TNRC6B: variants seen among roughly 807,000 people sequenced by gnomAD.
The protein encoded by TNRC6B is trinucleotide repeat-containing gene 6B protein.
A neutral mutation model predicts 203.6 loss-of-function variants in TNRC6B; 52 were observed. The observed-to-expected ratio is 0.26, with a 90% CI of 0.20 to 0.32. The LOEUF (loss-of-function observed/expected upper bound fraction) is 0.32, where lower values mean the gene tolerates loss of function less well. Among genes scored for constraint, TNRC6B ranks in the 10% least tolerant of loss-of-function variants. The pLI is 1.00. For synonymous variants in TNRC6B, 838 were observed against 845.7 expected (o/e 0.99, Z 0.16); for missense variants, 1,923 against 2,286.2 (o/e 0.84, Z 3.24).
intron 3 of TNRC6B, among the ~76,000 whole-genome samples, chr22:40,260,483 T>C (rs1404835247): frequency 2.6e-5 from 4 of 152,184 alleles, no homozygotes; most frequent in Non-Finnish European, 4.4e-5. Flanking sequence ...ATGGGACTTG[T>C]AGATGGAGAA....
chr22:40,153,565 AAG>A (rs1052399356), intron 3 of TNRC6B, among the ~76,000 whole-genome samples: 2 of 151,956 alleles, frequency 1.3e-5, no homozygotes, highest in East Asian at 1.9e-4. Context: ...AAAAAACAAA[AAG>A]AATAAGAAGA....
chr22:40,214,506 A>G (rs1285048324), intron 1 of TNRC6B, among the ~76,000 whole-genome samples: 2 of 151,882 alleles, frequency 1.3e-5, no homozygotes, highest in African/African-American at 4.8e-5. Context: ...TAATGGGCAT[A>G]CAGAATCTCT....
intron 1 of TNRC6B, among the ~76,000 whole-genome samples, chr22:40,073,269 A>G (rs530325057): frequency 3.0e-4 from 45 of 151,224 alleles, no homozygotes; most frequent in Non-Finnish European, 5.7e-4. Context: ...TTGTTTTTGC[A>G]GAGTGTAATA....
At chr22:40,233,152 GAAAAA>G (rs888338541) in intron 1 of TNRC6B, among the ~76,000 whole-genome samples, 2 of 150,752 alleles carry the variant, frequency 1.3e-5, no homozygotes, top group African/African-American at 4.9e-5. Flanking sequence ...CAAAAAAAAA[GAAAAA>G]AAGAAAAGAA....
Position 40,177,971 on chromosome 22 carries a change from A to T in TNRC6B, c.-165A>T, listed in dbSNP as rs1448201974. ...GAGCAAGAGGGAGAGTGTGTGAGAG[A>T]GAGTTAGTTCAAGCCAAAATGGCCG... On this transcript the variant is annotated 5_prime_UTR_variant, in exon 1 of 23. Coordinates refer to ENST00000454349, the MANE Select transcript of TNRC6B (RefSeq NM_001162501.2). 6 of 1,461,174 alleles carry T rather than the reference A, an allele frequency of 4.1e-6. No individual in the cohort carries two copies. Among genetic ancestry groups the T allele is most frequent in the Non-Finnish European group, 5.4e-6 (6 of 1,113,748 alleles). The allele number at this position is 1,461,174 out of a possible 1,614,324, so 90.5% of individuals were successfully genotyped here. A position where few individuals can be genotyped will look rare whatever the true frequency, so the allele number is the denominator to read the frequency against.
intron 3 of TNRC6B, among the ~76,000 whole-genome samples, chr22:40,139,998 A>AT (rs1424583767): frequency 5.9e-5 from 9 of 152,200 alleles, no homozygotes; most frequent in Admixed American, 5.9e-4. Context: ...TCCGCCTCAA[A>AT]TTAAGTTTTG....
At chr22:40,268,651 C>T (rs1339665548) in intron 5 of TNRC6B, among the ~76,000 whole-genome samples, 1 of 152,048 alleles carries the variant, frequency 6.6e-6, no homozygotes, top group Non-Finnish European at 1.5e-5. Flanking sequence ...GTGGCTCACG[C>T]CTGTAATCCC....
intron 1 of TNRC6B, among the ~76,000 whole-genome samples, chr22:40,183,984 C>T (rs1365952649): frequency 1.3e-5 from 2 of 152,104 alleles, no homozygotes; most frequent in Non-Finnish European, 2.9e-5. Context: ...CATGAGCCAC[C>T]GTGCACAACA....
intron 3 of TNRC6B, among the ~76,000 whole-genome samples, chr22:40,133,697 G>A (rs912498240): frequency 6.6e-6 from 1 of 152,022 alleles, no homozygotes; most frequent in Non-Finnish European, 1.5e-5. Context: ...TGCCGGGCAC[G>A]GTGGCTCATG....
chr22:40,273,696 C>T, intron 7 of TNRC6B, 96 bp downstream of exon 7: 1 of 1,346,086 alleles, frequency 7.4e-7, no homozygotes, highest in East Asian at 2.6e-5. Context: ...ACAAGTTCTC[C>T]CTCTGTCACC....
At position 40,266,881 on chromosome 22, in the gene TNRC6B, G is replaced by A; in HGVS notation, c.2651G>A (p.Ser884Asn). The change falls in exon 5 of 23, where the codon AGT becomes AAT. Residue 884 changes from serine (S) to asparagine (N), a missense_variant. Around this residue, in one of 8 missense-constraint regions of TNRC6B, gnomAD observed 599 missense variants for 656.5 expected, o/e 0.91. Transcript: ENST00000454349. Reference sequence around the variant, plus strand: ...GAAGAGCCATCCCCACAGTCAATTAGTCGGAAAATGGACATTGATGATGGC... The same window carrying A: ...GAAGAGCCATCCCCACAGTCAATTAATCGGAAAATGGACATTGATGATGGC... ...GWEEPSPQSI[S>N]RKMDIDDGTS... 2 of 1,613,988 alleles carry A rather than the reference G, an allele frequency of 1.2e-6. No homozygotes were observed. The highest frequency in any genetic ancestry group is 1.7e-6 in the Non-Finnish European group (2 of 1,179,896).
In TNRC6B at chr22:40,210,534, T is replaced by G. The variant is rs138005439; in HGVS notation, c.5+32394T>G. On this transcript the variant is annotated intron_variant, in intron 1 of 22. Coordinates refer to ENST00000454349, the MANE Select transcript of TNRC6B (RefSeq NM_001162501.2). Reference sequence around the variant, plus strand: ...TCATTGAAAACTGTTAACACTTTGGTAAAAATTATTTTCTTTACCATTTTA... The same window carrying G: ...TCATTGAAAACTGTTAACACTTTGGGAAAAATTATTTTCTTTACCATTTTA... Among the ~76,000 whole-genome samples, 381 of 152,336 alleles carry G rather than the reference T, an allele frequency of 2.5e-3. 2 individuals are homozygous for G. The highest frequency in any genetic ancestry group is 8.0e-3 in the African/African-American group (333 of 41,570).
At chr22:40,149,115 C>T (rs1016043611) in intron 3 of TNRC6B, among the ~76,000 whole-genome samples, 3 of 152,116 alleles carry the variant, frequency 2.0e-5, no homozygotes, top group Non-Finnish European at 4.4e-5. Context: ...TAGCAAAAAT[C>T]GAAACAACTC....
chr22:40,265,819 A>C lies in TNRC6B; in HGVS notation c.1589A>C (p.Gln530Pro). ...ATTGGAGAATGGAGTGGTCCAAACCAACCAAATTCTAGCACTGGAGCATGG... is the reference window on the plus strand; with the variant it reads ...ATTGGAGAATGGAGTGGTCCAAACCCACCAAATTCTAGCACTGGAGCATGG... ...LKIGEWSGPNQPNSSTGAWDN... is the reference protein window; with the variant it reads ...LKIGEWSGPNPPNSSTGAWDN... Residue 530 changes from glutamine (Q) to proline (P), a missense_variant, in exon 5 of 23, where the codon CAA (glutamine) becomes CCA (proline). Around this residue, in one of 8 missense-constraint regions of TNRC6B, gnomAD observed 614 missense variants for 587.7 expected, o/e 1.04. Transcript: ENST00000454349. The C allele has an allele frequency of 6.2e-7, 1 of 1,613,960 alleles. No homozygotes were observed. The highest frequency in any genetic ancestry group is 8.5e-7 in the Non-Finnish European group (1 of 1,179,880).
At chr22:40,236,941 G>A (rs1447131075) in intron 1 of TNRC6B, among the ~76,000 whole-genome samples, 1 of 152,100 alleles carries the variant, frequency 6.6e-6, no homozygotes, top group Non-Finnish European at 1.5e-5. Flanking sequence ...GAGGCGGGCG[G>A]ATTATCTGAG....
chr22:40,269,234 A>T (rs969744651), intron 5 of TNRC6B, among the ~76,000 whole-genome samples: 1 of 140,300 alleles, frequency 7.1e-6, no homozygotes, highest in African/African-American at 2.6e-5. Flanking sequence ...CCCGGGTTCA[A>T]GTGAGCCTCC....
At chr22:40,286,397 C>G (rs887030066) in intron 12 of TNRC6B, among the ~76,000 whole-genome samples, 10 of 152,216 alleles carry the variant, frequency 6.6e-5, no homozygotes, top group Non-Finnish European at 1.3e-4. Flanking sequence ...ATCCTAGCTA[C>G]TCAAGAGGCT....
chr22:40,080,857 A>G (rs1020925845), intron 1 of TNRC6B, among the ~76,000 whole-genome samples: 3 of 138,818 alleles, frequency 2.2e-5, no homozygotes, highest in African/African-American at 8.0e-5. Flanking sequence ...TTTTTCATGT[A>G]TAACTTTTTC....
chr22:40,202,175 A>T (rs2069420857), intron 1 of TNRC6B, among the ~76,000 whole-genome samples: 1 of 151,656 alleles, frequency 6.6e-6, no homozygotes, highest in African/African-American at 2.4e-5. Context: ...ATTTAATTTG[A>T]TGTTTTGTTT....
Sources: allele counts gnomAD v4.1 joint callset (sites outside exome capture counted in the v4.1 genomes callset), GRCh38; gene constraint gnomAD v4.1.1; regional missense constraint gnomAD v4.1.1; transcripts MANE v1.5; gene names NCBI Gene and HGNC (gene_info 2026-07-23, HGNC 2026-07-21).